Variants in TMCO5A observed in about 807,000 individuals in gnomAD.
TMCO5A encodes the protein transmembrane and coiled-coil domain-containing protein 5A.
A neutral mutation model predicts 42.3 loss-of-function variants in TMCO5A; 34 were observed. The ratio of observed to expected loss-of-function variants is 0.80; its 90% CI spans 0.61 to 1.07. The LOEUF is 1.07. TMCO5A is among the 50% of genes least tolerant of loss of function. The pLI is 0.00. For missense variants in TMCO5A, 357 were observed against 327.9 expected, an observed-to-expected ratio of 1.09 and a Z score of -0.69; for synonymous variants, 131 against 115.6, an observed-to-expected ratio of 1.13 and a Z score of -0.86.
chr15:37,956,348 G>A (rs988488854), downstream of TMCO5A, among the ~76,000 whole-genome samples: 6 of 152,064 alleles, frequency 3.9e-5, no homozygotes, highest in African/African-American at 1.4e-4. Flanking sequence ...TAGACCACTA[G>A]CCAGACTAAT....
At chr15:37,990,986 T>C in the TMCO5A span, among the ~76,000 whole-genome samples, 2 of 152,106 alleles carry the variant, frequency 1.3e-5, no homozygotes, top group South Asian at 2.1e-4. Context: ...CATAAATAAC[T>C]GTTTTATGCA....
Position 37,951,043 on chromosome 15 carries a change from T to A in TMCO5A, c.676T>A (p.Cys226Ser). 7 of 1,611,296 alleles carry A rather than the reference T, an allele frequency of 4.3e-6. No individual in the cohort carries two copies. The highest frequency in any genetic ancestry group is 5.1e-6 in the Non-Finnish European group (6 of 1,179,634). The change falls in exon 12 of 12, where the codon TGC becomes AGC. Residue 226 changes from cysteine to serine, a missense_variant. Transcript: ENST00000319669. The stretch of plus-strand genomic sequence containing the variant: ...ATGGCATTCTCTTTTTAGGATTTTT[T>A]GCTGTCTCTTTTTCATCACCCTATT... ...TARLFSKKIFCCLFFITLFFI... is the reference protein window; with the variant it reads ...TARLFSKKIFSCLFFITLFFI...
chr15:38,035,327 G>A, the TMCO5A span, among the ~76,000 whole-genome samples: 27 of 152,104 alleles, frequency 1.8e-4, no homozygotes, highest in Admixed American at 3.3e-4. Context: ...TTTAACCAAG[G>A]CCTAAATATA....
chr15:37,937,402 G>A lies in TMCO5A; in HGVS notation c.315+6G>A. On this transcript the variant is annotated splice_donor_region_variant and intron_variant, in intron 5 of 11. Transcript: ENST00000319669. ...TAACAGAACTTCAACAAAAGGTGAG[G>A]TAGGGTACTTGTGTTCTCCAGTGCC... 1.2e-6 allele frequency: 2 copies of A among 1,612,998 alleles called. No individual in the cohort carries two copies. Among genetic ancestry groups the A allele is most frequent in the South Asian group, 1.1e-5 (1 of 91,062 alleles).
the TMCO5A span, among the ~76,000 whole-genome samples, chr15:37,983,984 C>T: frequency 6.6e-6 from 1 of 152,064 alleles, no homozygotes; most frequent in African/African-American, 2.4e-5. Context: ...CCACCCACCT[C>T]GGTCTCCCAA....
chr15:38,002,349 T>C, the TMCO5A span, among the ~76,000 whole-genome samples: 1 of 152,100 alleles, frequency 6.6e-6, no homozygotes, highest in East Asian at 1.9e-4. Flanking sequence ...ATCACCTTCT[T>C]GTACTTAAAT....
At chr15:38,024,018 A>C in the TMCO5A span, among the ~76,000 whole-genome samples, 3 of 151,492 alleles carry the variant, frequency 2.0e-5, no homozygotes, top group East Asian at 5.9e-4. Context: ...GAGTGTGTCA[A>C]TTTTCAGATA....
chr15:37,966,730 A>C (rs1477914208), exon 12 of TMCO5A: 2 of 702,544 alleles, frequency 2.8e-6, no homozygotes, highest in African/African-American at 3.5e-5. Context: ...CAGGTTCAGC[A>C]GTAAAGTCCA....
chr15:38,006,439 G>T, the TMCO5A span, among the ~76,000 whole-genome samples: 2 of 152,314 alleles, frequency 1.3e-5, no homozygotes, highest in African/African-American at 2.4e-5. Flanking sequence ...ACGATTTTGA[G>T]CACCTGCAAA....
Position 37,936,972 on chromosome 15 carries a change from T to C in TMCO5A, c.264+2T>C, listed in dbSNP as rs1302000233. On this transcript the variant is annotated splice_donor_variant, in intron 4 of 11. Transcript: ENST00000319669. LOFTEE classifies it high-confidence loss of function. ...CTGGAGGAAGAAACAGCCAGACTTG[T>C]AAGCAAGAAGTTGGGAAGAGCCATT... 2.5e-6 allele frequency: 4 copies of C among 1,611,890 alleles called. No individual in the cohort carries two copies. Among genetic ancestry groups the C allele is most frequent in the African/African-American group, 1.3e-5 (1 of 74,802 alleles).
chr15:38,032,428 G>A, the TMCO5A span, among the ~76,000 whole-genome samples: 2 of 152,146 alleles, frequency 1.3e-5, 1 homozygote, highest in Admixed American at 1.3e-4. Flanking sequence ...TGCCAAATGT[G>A]TGGCAAATGC....
chr15:38,018,476 T>G, the TMCO5A span, among the ~76,000 whole-genome samples: 1 of 152,060 alleles, frequency 6.6e-6, no homozygotes, highest in Non-Finnish European at 1.5e-5. Flanking sequence ...AAGTAAAATT[T>G]CAGTGGGAGG....
chr15:38,028,534 C>T, the TMCO5A span, among the ~76,000 whole-genome samples: 10 of 152,180 alleles, frequency 6.6e-5, no homozygotes, highest in Non-Finnish European at 1.2e-4. Context: ...AATGCATCTA[C>T]CTGTGCCAAC....
intron 11 of TMCO5A, among the ~76,000 whole-genome samples, chr15:37,957,662 T>C (rs1447037904): frequency 6.6e-6 from 1 of 152,200 alleles, no homozygotes; most frequent in African/African-American, 2.4e-5. Flanking sequence ...ATGGCCATAC[T>C]TCCCAAAGTA....
chr15:38,021,555 G>A, the TMCO5A span, among the ~76,000 whole-genome samples: 10 of 152,208 alleles, frequency 6.6e-5, no homozygotes, highest in South Asian at 1.7e-3. Context: ...CAGTCAGGGT[G>A]TTTAGTAATA....
At chr15:37,968,662 A>G (rs1890614009), downstream of TMCO5A, among the ~76,000 whole-genome samples, 1 of 150,004 alleles carries the variant, frequency 6.7e-6, no homozygotes, top group East Asian at 2.0e-4. Flanking sequence ...AGCTCACTGC[A>G]ACTTCCACCG....
the TMCO5A span, among the ~76,000 whole-genome samples, chr15:38,004,136 G>A: frequency 3.9e-5 from 6 of 152,014 alleles, no homozygotes; most frequent in Admixed American, 1.3e-4. Flanking sequence ...ATTCTGCCAG[G>A]ACTGAGTCCT....
the TMCO5A span, among the ~76,000 whole-genome samples, chr15:37,989,004 C>T: frequency 3.9e-5 from 6 of 151,916 alleles, no homozygotes; most frequent in African/African-American, 1.4e-4. Context: ...ATTGCTAAGC[C>T]AGTCTTCTTA....
intron 2 of TMCO5A, 86 bp downstream of exon 2, chr15:37,935,434 A>C (rs1002944060): frequency 6.6e-6 from 1 of 152,080 alleles, no homozygotes; most frequent in Non-Finnish European, 1.5e-5. Context: ...CCCTACCCCA[A>C]GCATGCCATA....
Sources: allele counts gnomAD v4.1 joint callset (sites outside exome capture counted in the v4.1 genomes callset), GRCh38; gene constraint gnomAD v4.1.1; transcripts MANE v1.5; gene names NCBI Gene and HGNC (gene_info 2026-07-23, HGNC 2026-07-21).